UGT1A8: variants seen among roughly 807,000 people sequenced by gnomAD.
UGT1A8 encodes UDP glucuronosyltransferase family 1 member A8, also known as UDP-glucuronosyltransferase 1A8.
In UGT1A8, 39 loss-of-function variants were observed where a neutral mutation model predicts 45.3. The observed-to-expected ratio is 0.86, with a 90% CI of 0.67 to 1.12. The LOEUF (loss-of-function observed/expected upper bound fraction) is 1.12. UGT1A8 is among the 50% of genes most tolerant of loss of function. The pLI, the probability that UGT1A8 is intolerant of heterozygous loss-of-function variation, is 0.00. For missense variants in UGT1A8, 719 were observed against 664.9 expected (o/e 1.08, Z -0.90); for synonymous variants, 275 against 249.2 (o/e 1.10, Z -0.97).
chr2:233,679,113 T>G lies in UGT1A8; in HGVS notation c.855+60551T>G, dbSNP rs564328897. On this transcript the variant is annotated intron_variant, in intron 1 of 4. Transcript: ENST00000373450. ...AAAACTGTGTGTAATGAGTTCTAAA[T>G]TTCCTTAAGACACCTGATTGAGAGA... 4.0e-4 allele frequency among the ~76,000 whole-genome samples: 61 copies of G among 152,344 alleles called. 1 individual carries two copies. The highest frequency in any genetic ancestry group is 7.2e-4 in the Non-Finnish European group (49 of 68,038).
chr2:233,683,319 A>G (rs906798140), intron 1 of UGT1A8, among the ~76,000 whole-genome samples: 1 of 152,112 alleles, frequency 6.6e-6, no homozygotes, highest in African/African-American at 2.4e-5. Flanking sequence ...CAGATTTGAC[A>G]TGTTCTTTTA....
At chr2:233,631,676 G>C (rs2073188847) in intron 1 of UGT1A8, among the ~76,000 whole-genome samples, 1 of 152,036 alleles carries the variant, frequency 6.6e-6, no homozygotes, top group South Asian at 2.1e-4. Flanking sequence ...ACCGCTTTTT[G>C]ATGGGGTTTT....
chr2:233,703,269 T>G (rs780470633), intron 1 of UGT1A8, among the ~76,000 whole-genome samples: 39 of 152,216 alleles, frequency 2.6e-4, no homozygotes, highest in Non-Finnish European at 4.9e-4. Context: ...ATACTTTCTG[T>G]TTCTGTAAGG....
chr2:233,755,339 G>A (rs2125934548), intron 1 of UGT1A8: 7 of 431,136 alleles, frequency 1.6e-5, no homozygotes, highest in South Asian at 1.2e-4. Flanking sequence ...CCGCGCACAG[G>A]TCAGAGGCTT....
Position 233,635,699 on chromosome 2 carries a change from G to A in UGT1A8, c.855+17137G>A, listed in dbSNP as rs188481063. Among the ~76,000 whole-genome samples, 2 of 151,026 alleles carry A rather than the reference G, an allele frequency of 1.3e-5. 1 individual carries two copies. On this transcript the variant is annotated intron_variant, in intron 1 of 4. Coordinates refer to ENST00000373450, the MANE Select transcript of UGT1A8 (RefSeq NM_019076.5). Reference sequence around the variant, plus strand: ...ATGGCATCACCTCTGACTTCCAGGAGTCCTCAGCAGACTGAGGGAGACAAG... The same window carrying A: ...ATGGCATCACCTCTGACTTCCAGGAATCCTCAGCAGACTGAGGGAGACAAG...
rs901805821 is a variant in UGT1A8, at chr2:233,637,502, A to G, written c.855+18940A>G. On this transcript the variant is annotated intron_variant, in intron 1 of 4. Transcript: ENST00000373450. ...TTTCAAATTTCTTTCCAGTTTAACA[A>G]ATTATTTTGTGCGAATTCATGTACT... is the stretch of plus-strand genomic sequence containing the variant. 8.7e-6 allele frequency: 13 copies of G among 1,487,174 alleles called. No individual in the cohort carries two copies. In the African/African-American group the frequency reaches 1.3e-4, roughly 14 times the overall value. The allele number at this position is 1,487,174 out of a possible 1,614,324, so 92.1% of individuals were successfully genotyped here. A position where few individuals can be genotyped will look rare whatever the true frequency, so the allele number is the denominator to read the frequency against.
intron 1 of UGT1A8, among the ~76,000 whole-genome samples, chr2:233,710,092 G>A (rs1054581335): frequency 6.6e-6 from 1 of 152,174 alleles, no homozygotes; most frequent in African/African-American, 2.4e-5. Flanking sequence ...ATTGTTGCAT[G>A]TATCAATATT....
intron 1 of UGT1A8, among the ~76,000 whole-genome samples, chr2:233,764,100 A>T (rs549144830): frequency 7.2e-5 from 11 of 152,262 alleles, no homozygotes; most frequent in Non-Finnish European, 1.6e-4. Context: ...AACTAAAAAT[A>T]CAAAATTCTT....
chr2:233,673,256 C>T (rs1575417091), intron 1 of UGT1A8, among the ~76,000 whole-genome samples: 2 of 152,100 alleles, frequency 1.3e-5, no homozygotes, highest in African/African-American at 4.8e-5. Flanking sequence ...CTTTTCTTTG[C>T]ATTTTTCACT....
chr2:233,720,045 G>A (rs577020263), intron 1 of UGT1A8, among the ~76,000 whole-genome samples: 1 of 152,284 alleles, frequency 6.6e-6, no homozygotes, highest in Admixed American at 6.5e-5. Context: ...ATTTTCAGCT[G>A]AACGGTGATG....
chr2:233,679,034 C>CA (rs2074436313), intron 1 of UGT1A8, among the ~76,000 whole-genome samples: 1 of 152,200 alleles, frequency 6.6e-6, no homozygotes, highest in African/African-American at 2.4e-5. Flanking sequence ...TCTGGACTTT[C>CA]ATGACATTCT....
intron 1 of UGT1A8, among the ~76,000 whole-genome samples, chr2:233,661,660 T>TTTCTTTCC (rs2073970893): frequency 6.6e-6 from 1 of 150,394 alleles, no homozygotes; most frequent in African/African-American, 2.5e-5. Flanking sequence ...TCTTTCTTTC[T>TTTCTTTCC]TTCTTTCTTT....
chr2:233,749,178 ACTT>A (rs1418442763), intron 1 of UGT1A8, among the ~76,000 whole-genome samples: 1 of 151,644 alleles, frequency 6.6e-6, no homozygotes, highest in Non-Finnish European at 1.5e-5. Flanking sequence ...TTATTTCTGT[ACTT>A]CTTTTTATTA....
intron 1 of UGT1A8, among the ~76,000 whole-genome samples, chr2:233,759,295 C>T (rs939661689): frequency 1.3e-5 from 2 of 152,106 alleles, no homozygotes; most frequent in Non-Finnish European, 2.9e-5. Context: ...GAAGCTGAGC[C>T]CTGAGTGGCT....
At chr2:233,729,778 C>T in intron 1 of UGT1A8, 1 of 1,614,010 alleles carries the variant, frequency 6.2e-7, no homozygotes, top group Non-Finnish European at 8.5e-7. Flanking sequence ...GCTCTACCCT[C>T]TGGCCCTGTC....
rs1274189847 is a variant in UGT1A8, at chr2:233,773,108, T to A, written c.*549T>A. 6.4e-6 allele frequency: 1 copy of A among 155,390 alleles called. No individual in the cohort carries two copies. The highest frequency in any genetic ancestry group is 2.4e-5 in the African/African-American group (1 of 41,446). The allele number at this position is 155,390 out of a possible 1,614,324, so 9.6% of individuals were successfully genotyped here. A position where few individuals can be genotyped will look rare whatever the true frequency, so the allele number is the denominator to read the frequency against. On this transcript the variant is annotated 3_prime_UTR_variant, in exon 5 of 5. Coordinates refer to ENST00000373450, the MANE Select transcript of UGT1A8 (RefSeq NM_019076.5). ...AGTGCACTGAGAACAGCATATGATT[T>A]CTTGCTTTGGGGAAAAAGAATGATG...
chr2:233,719,429 C>A, intron 1 of UGT1A8: 1 of 1,613,996 alleles, frequency 6.2e-7, no homozygotes, highest in Non-Finnish European at 8.5e-7. Context: ...CCAATTCAGA[C>A]CACATGACAT....
At chr2:233,716,951 C>A (rs2076535717) in intron 1 of UGT1A8, among the ~76,000 whole-genome samples, 1 of 152,156 alleles carries the variant, frequency 6.6e-6, no homozygotes, top group Non-Finnish European at 1.5e-5. Flanking sequence ...TTCCCAGGCA[C>A]CAGGAATGTG....
intron 1 of UGT1A8, among the ~76,000 whole-genome samples, chr2:233,735,014 T>A (rs902605197): frequency 6.6e-6 from 1 of 152,232 alleles, no homozygotes; most frequent in Non-Finnish European, 1.5e-5. Flanking sequence ...GAGAGTTCTG[T>A]AGATGTCTAT....
Sources: gnomAD v4.1 joint callset for allele counts (sites outside exome capture counted in the v4.1 genomes callset) on GRCh38, gnomAD v4.1.1 for gene constraint, MANE v1.5 for transcripts, NCBI Gene and HGNC (gene_info 2026-07-23, HGNC 2026-07-21) for gene names.